The following SYNPR variants were observed in gnomAD, a reference collection of about 807,000 sequenced individuals.
SYNPR encodes the protein synaptoporin.
SYNPR carries 23 observed loss-of-function variants against 32.9 expected under a neutral mutation model. The observed-to-expected ratio is 0.70, with a 90% confidence interval of 0.50 to 0.99. The LOEUF is 0.99. Ranked by LOEUF, SYNPR falls within the 50% of genes least tolerant of loss-of-function variation. SYNPR has a pLI of 0.00. For synonymous variants in SYNPR, 146 were observed against 135.9 expected, an observed-to-expected ratio of 1.07 and a Z score of -0.52; for missense variants, 318 against 349.3, an observed-to-expected ratio of 0.91 and a Z score of 0.71.
chr3:63,511,465 A>C (rs371497816), intron 3 of SYNPR, among the ~76,000 whole-genome samples: 2 of 152,172 alleles, frequency 1.3e-5, no homozygotes, highest in African/African-American at 4.8e-5. Flanking sequence ...AAGGGAACAC[A>C]GGCATTTGTT....
At chr3:63,595,917 A>G (rs1352181024) in intron 4 of SYNPR, among the ~76,000 whole-genome samples, 4 of 92,268 alleles carry the variant, frequency 4.3e-5, no homozygotes, top group Non-Finnish European at 8.8e-5. Context: ...ATATATATAT[A>G]GTTTTATATA....
intron 2 of SYNPR, among the ~76,000 whole-genome samples, chr3:63,297,141 G>A (rs2106937104): frequency 6.6e-6 from 1 of 152,286 alleles, no homozygotes; most frequent in Non-Finnish European, 1.5e-5. Context: ...TTTAGATTAG[G>A]GACTAGCTAT....
At chr3:63,572,656 A>G (rs938358168) in intron 4 of SYNPR, among the ~76,000 whole-genome samples, 2 of 152,152 alleles carry the variant, frequency 1.3e-5, no homozygotes, top group East Asian at 1.9e-4. Flanking sequence ...TCTTTTTGCC[A>G]TTTAAAATTG....
chr3:63,582,737 G>C (rs1328152547), intron 4 of SYNPR, among the ~76,000 whole-genome samples: 1 of 151,970 alleles, frequency 6.6e-6, no homozygotes, highest in Non-Finnish European at 1.5e-5. Flanking sequence ...TAATGGTTAG[G>C]GACCCAGGCT....
intron 3 of SYNPR, among the ~76,000 whole-genome samples, chr3:63,485,827 C>T (rs972573345): frequency 3.3e-5 from 5 of 151,976 alleles, no homozygotes; most frequent in African/African-American, 1.2e-4. Flanking sequence ...TTGAGAACAA[C>T]TAAATATAGG....
chr3:63,367,116 C>T (rs986153404), intron 2 of SYNPR, among the ~76,000 whole-genome samples: 20 of 152,170 alleles, frequency 1.3e-4, no homozygotes, highest in African/African-American at 4.1e-4. Flanking sequence ...GATCTCCTAG[C>T]ACTTTTGGGG....
chr3:63,253,334 G>A (rs368894612), intron 2 of SYNPR, among the ~76,000 whole-genome samples: 225 of 152,162 alleles, frequency 1.5e-3, no homozygotes, highest in Middle Eastern at 0.01. Context: ...TCCAAGCTCT[G>A]AAGGAAACAA....
intron 2 of SYNPR, among the ~76,000 whole-genome samples, chr3:63,376,806 T>A (rs1275515479): frequency 6.6e-6 from 1 of 152,126 alleles, no homozygotes; most frequent in East Asian, 1.9e-4. Flanking sequence ...ATGACACTAG[T>A]TACTGTCTGA....
chr3:63,587,249 A>G (rs2106870846), intron 4 of SYNPR, among the ~76,000 whole-genome samples: 1 of 152,254 alleles, frequency 6.6e-6, no homozygotes. Context: ...CATTAATGCA[A>G]CAGCTAAAAT....
intron 4 of SYNPR, among the ~76,000 whole-genome samples, chr3:63,606,137 T>G (rs1308399862): frequency 6.6e-6 from 1 of 152,166 alleles, no homozygotes; most frequent in East Asian, 1.9e-4. Flanking sequence ...GTCTAGCAAA[T>G]GGACACACGG....
At chr3:63,374,908 A>C (rs768354298) in intron 2 of SYNPR, among the ~76,000 whole-genome samples, 2 of 152,098 alleles carry the variant, frequency 1.3e-5, no homozygotes, top group Non-Finnish European at 2.9e-5. Flanking sequence ...GTGTGGTGTT[A>C]TTTCTGAGGC....
At chr3:63,209,460 T>C in the SYNPR span, among the ~76,000 whole-genome samples, 1 of 152,168 alleles carries the variant, frequency 6.6e-6, no homozygotes, top group African/African-American at 2.4e-5. Context: ...TACTAAAGAT[T>C]TTCTGAACAG....
intron 3 of SYNPR, among the ~76,000 whole-genome samples, chr3:63,488,115 A>G (rs1336944443): frequency 1.3e-5 from 2 of 152,210 alleles, no homozygotes; most frequent in East Asian, 3.8e-4. Context: ...AGCCAAGAGC[A>G]GTGATGAGAA....
At chr3:63,569,000 C>A (rs1404397395) in intron 4 of SYNPR, among the ~76,000 whole-genome samples, 1 of 152,128 alleles carries the variant, frequency 6.6e-6, no homozygotes, top group Non-Finnish European at 1.5e-5. Context: ...AGGTGTTAAG[C>A]AGATGGTAGA....
At chr3:63,518,604 A>G (rs372225629) in intron 3 of SYNPR, among the ~76,000 whole-genome samples, 117 of 152,310 alleles carry the variant, frequency 7.7e-4, no homozygotes, top group African/African-American at 2.7e-3. Flanking sequence ...TTCCAATTAT[A>G]GCCCTATACC....
At chr3:63,204,591 T>G in the SYNPR span, among the ~76,000 whole-genome samples, 1 of 152,238 alleles carries the variant, frequency 6.6e-6, no homozygotes, top group Non-Finnish European at 1.5e-5. Flanking sequence ...ATTTGCTCTC[T>G]CCTTTAGTAG....
chr3:63,259,511 C>G (rs1438083247), intron 2 of SYNPR, among the ~76,000 whole-genome samples: 3 of 152,076 alleles, frequency 2.0e-5, no homozygotes, highest in Non-Finnish European at 2.9e-5. Flanking sequence ...AGGCCTTTGA[C>G]AAAATTCAAC....
At chr3:63,503,916 G>C (rs1258813538) in intron 3 of SYNPR, among the ~76,000 whole-genome samples, 5 of 151,904 alleles carry the variant, frequency 3.3e-5, no homozygotes, top group Non-Finnish European at 1.5e-5. Flanking sequence ...ATAGGATATT[G>C]CCTTTAGTAA....
At chr3:63,418,453 C>T (rs2088568117) in intron 2 of SYNPR, among the ~76,000 whole-genome samples, 3 of 152,166 alleles carry the variant, frequency 2.0e-5, no homozygotes, top group South Asian at 2.1e-4. Context: ...GTTCCAAAGT[C>T]GCTTCCACAT....
Sources: allele counts gnomAD v4.1 joint callset (sites outside exome capture counted in the v4.1 genomes callset), GRCh38; gene constraint gnomAD v4.1.1; transcripts MANE v1.5; gene names NCBI Gene and HGNC (gene_info 2026-07-23, HGNC 2026-07-21).